The following IQCB1 variants were observed in gnomAD, a reference collection of about 807,000 sequenced individuals.
The protein encoded by IQCB1 is IQ calmodulin-binding motif-containing protein 1.
In IQCB1, 56 loss-of-function variants were observed where a neutral mutation model predicts 84.4. The ratio of observed to expected loss-of-function variants is 0.66; its 90% CI spans 0.54 to 0.83. The LOEUF (loss-of-function observed/expected upper bound fraction) is 0.83. Ranked by LOEUF, IQCB1 falls within the 40% of genes least tolerant of loss-of-function variation. The pLI, the probability that IQCB1 is intolerant of heterozygous loss-of-function variation, is 0.00. For synonymous variants in IQCB1, 210 were observed against 234.8 expected (o/e 0.89, Z 0.96); for missense variants, 629 against 682.1 (o/e 0.92, Z 0.87).
intron 5 of IQCB1, among the ~76,000 whole-genome samples, chr3:121,812,167 G>C (rs1949855285): frequency 6.6e-6 from 1 of 152,162 alleles, no homozygotes; most frequent in African/African-American, 2.4e-5. Context: ...AACTCCAGCA[G>C]ACCTGCAGAA....
intron 13 of IQCB1, among the ~76,000 whole-genome samples, chr3:121,772,947 A>G (rs1349723689): frequency 6.7e-6 from 1 of 150,334 alleles, no homozygotes; most frequent in Non-Finnish European, 1.5e-5. Flanking sequence ...CCTATACTTT[A>G]CTTTCTCAGA....
At chr3:121,786,022 T>A (rs1468802934) in intron 12 of IQCB1, among the ~76,000 whole-genome samples, 2 of 146,304 alleles carry the variant, frequency 1.4e-5, no homozygotes, top group African/African-American at 5.1e-5. Context: ...AAAAAAAAAA[T>A]TAGCTGGGCC....
chr3:121,823,030 A>G (rs1950329561), intron 5 of IQCB1, among the ~76,000 whole-genome samples: 1 of 152,214 alleles, frequency 6.6e-6, no homozygotes, highest in Admixed American at 6.5e-5. Flanking sequence ...AAATAACTAT[A>G]ATAAATATGG....
chr3:121,795,626 G>A (rs1376378236), intron 9 of IQCB1, 60 bp from the exon 10 acceptor site: 3 of 836,292 alleles, frequency 3.6e-6, no homozygotes, highest in Non-Finnish European at 2.0e-6. Context: ...AAAAAAAAAA[G>A]TTTACCTCTT....
intron 5 of IQCB1, among the ~76,000 whole-genome samples, chr3:121,813,927 T>C (rs1484623300): frequency 3.3e-5 from 5 of 152,206 alleles, no homozygotes; most frequent in African/African-American, 7.2e-5. Flanking sequence ...GCGGACCTAA[T>C]AGACATCTAC....
At chr3:121,827,814 T>C (rs1384832509) in intron 4 of IQCB1, among the ~76,000 whole-genome samples, 1 of 152,116 alleles carries the variant, frequency 6.6e-6, no homozygotes, top group Non-Finnish European at 1.5e-5. Context: ...ATCCAGTTAG[T>C]AAATACACAC....
intron 11 of IQCB1, 47 bp downstream of exon 11, chr3:121,790,026 G>C: frequency 6.4e-7 from 1 of 1,556,434 alleles, no homozygotes; most frequent in Non-Finnish European, 8.9e-7. Context: ...TTTGTTAAAA[G>C]ATAACCTAAA....
At chr3:121,819,549 A>G (rs767391059) in intron 5 of IQCB1, among the ~76,000 whole-genome samples, 3 of 152,208 alleles carry the variant, frequency 2.0e-5, no homozygotes, top group Non-Finnish European at 4.4e-5. Flanking sequence ...GAATAATGCA[A>G]TAAGTACCTA....
chr3:121,824,326 C>A (rs2108633039), intron 5 of IQCB1, among the ~76,000 whole-genome samples: 1 of 152,230 alleles, frequency 6.6e-6, no homozygotes, highest in South Asian at 2.1e-4. Flanking sequence ...GGGTGCTTCA[C>A]ATCCTGGGAA....
intron 10 of IQCB1, 44 bp from the exon 11 acceptor site, chr3:121,790,259 A>G: frequency 6.4e-7 from 1 of 1,570,254 alleles, no homozygotes; most frequent in Non-Finnish European, 8.8e-7. Flanking sequence ...CATAAATCAT[A>G]TGAAAAAATG....
chr3:121,813,861 CAAT>C (rs1949940295), intron 5 of IQCB1, among the ~76,000 whole-genome samples: 1 of 151,988 alleles, frequency 6.6e-6, no homozygotes, highest in South Asian at 2.1e-4. Flanking sequence ...TTAGACAGAT[CAAT>C]GAGACAGAAA....
At chr3:121,789,742 T>C (rs1948881859) in intron 11 of IQCB1, among the ~76,000 whole-genome samples, 1 of 152,246 alleles carries the variant, frequency 6.6e-6, no homozygotes, top group African/African-American at 2.4e-5. Flanking sequence ...TGGCAGAATG[T>C]AATAATATTC....
At chr3:121,817,050 C>G (rs1950089212) in intron 5 of IQCB1, among the ~76,000 whole-genome samples, 1 of 152,146 alleles carries the variant, frequency 6.6e-6, no homozygotes, top group African/African-American at 2.4e-5. Context: ...AAATGTGGCA[C>G]ATATACACCA....
chr3:121,800,952 G>C (rs968861556), intron 7 of IQCB1, among the ~76,000 whole-genome samples: 9 of 151,850 alleles, frequency 5.9e-5, no homozygotes, highest in African/African-American at 1.9e-4. Context: ...TATACCATAA[G>C]TGATTCTTTT....
chr3:121,797,330 C>T, intron 8 of IQCB1, 103 bp from the exon 9 acceptor site: 1 of 575,082 alleles, frequency 1.7e-6, no homozygotes, highest in Non-Finnish European at 3.0e-6. Flanking sequence ...GGCTTAAAAA[C>T]AAATGAAAAC....
chr3:121,798,981 G>C (rs773118724), intron 8 of IQCB1, among the ~76,000 whole-genome samples: 6 of 151,592 alleles, frequency 4.0e-5, no homozygotes, highest in Non-Finnish European at 5.9e-5. Context: ...ATGGCAACCT[G>C]ATCAGAAAAG....
chr3:121,770,616 A>G (rs540209390), intron 14 of IQCB1, 42 bp from the exon 15 acceptor site: 1 of 1,493,956 alleles, frequency 6.7e-7, no homozygotes, highest in South Asian at 1.1e-5. Flanking sequence ...GAAGAGTCCT[A>G]TGCCAAGCAG....
chr3:121,817,426 A>T (rs1039650533), intron 5 of IQCB1, among the ~76,000 whole-genome samples: 9 of 84,928 alleles, frequency 1.1e-4, no homozygotes, highest in African/African-American at 2.2e-4. Flanking sequence ...AAAGTATAAT[A>T]AAAAAAAAAG....
chr3:121,820,930 A>AG (rs1950250526), intron 5 of IQCB1, among the ~76,000 whole-genome samples: 1 of 151,624 alleles, frequency 6.6e-6, no homozygotes, highest in Admixed American at 6.6e-5. Context: ...TCAAAAAAAA[A>AG]AGCCTCTTCA....
Sources: gnomAD v4.1 joint callset for allele counts (sites outside exome capture counted in the v4.1 genomes callset) on GRCh38, gnomAD v4.1.1 for gene constraint, MANE v1.5 for transcripts, NCBI Gene and HGNC (gene_info 2026-07-23, HGNC 2026-07-21) for gene names.